Variants in NYAP2 observed in about 807,000 individuals in gnomAD.
NYAP2 encodes neuronal tyrosine-phosphorylated phosphoinositide-3-kinase adaptor 2, also known as neuronal tyrosine-phosphorylated phosphoinositide-3-kinase adapter 2.
Under a neutral mutation model 50.4 loss-of-function variants are expected in NYAP2, and 23 were observed. The ratio of observed to expected loss-of-function variants is 0.46; its 90% CI spans 0.33 to 0.65. The LOEUF (loss-of-function observed/expected upper bound fraction) is 0.65. Ranked by LOEUF, NYAP2 falls within the 30% of genes least tolerant of loss-of-function variation. NYAP2 has a pLI of 0.02. For missense variants in NYAP2, 885 were observed against 861.0 expected (o/e 1.03, Z -0.35); for synonymous variants, 394 against 365.2 (o/e 1.08, Z -0.90).
chr2:225,433,145 T>C (rs1559178205), intron 3 of NYAP2, among the ~76,000 whole-genome samples: 1 of 152,218 alleles, frequency 6.6e-6, no homozygotes, highest in Non-Finnish European at 1.5e-5. Flanking sequence ...TAAATACTTA[T>C]TGTAAGTATA....
At chr2:225,651,395 G>C in intron 6 of NYAP2, 37 bp from the exon 7 acceptor site, 1 of 1,613,342 alleles carries the variant, frequency 6.2e-7, no homozygotes, top group Non-Finnish European at 8.5e-7. Flanking sequence ...CCAGATGTCA[G>C]TCAGCTAATA....
intron 4 of NYAP2, among the ~76,000 whole-genome samples, chr2:225,546,667 T>C (rs775678219): frequency 6.6e-6 from 1 of 152,082 alleles, no homozygotes; most frequent in Non-Finnish European, 1.5e-5. Context: ...AGTGGTTCAC[T>C]TGGTACTCTG....
intron 4 of NYAP2, among the ~76,000 whole-genome samples, chr2:225,541,962 A>T (rs1691480350): frequency 2.0e-5 from 3 of 152,074 alleles, no homozygotes; most frequent in Non-Finnish European, 4.4e-5. Context: ...AATTACTTTC[A>T]TCAGTATTTT....
intron 3 of NYAP2, among the ~76,000 whole-genome samples, chr2:225,488,288 G>A (rs969334514): frequency 1.3e-5 from 2 of 152,086 alleles, no homozygotes; most frequent in African/African-American, 4.8e-5. Flanking sequence ...AAATAAAACA[G>A]ATTTTGTTTA....
chr2:225,655,986 A>G (rs1184714339), downstream of NYAP2, among the ~76,000 whole-genome samples: 1 of 151,672 alleles, frequency 6.6e-6, no homozygotes, highest in African/African-American at 2.4e-5. Flanking sequence ...TCACAAACAC[A>G]TATTTTTTTT....
intron 3 of NYAP2, among the ~76,000 whole-genome samples, chr2:225,457,769 A>G (rs1231268498): frequency 1.3e-5 from 2 of 152,328 alleles, no homozygotes; most frequent in African/African-American, 4.8e-5. Flanking sequence ...TCAAGACCAA[A>G]GGTCATGTGG....
intron 4 of NYAP2, among the ~76,000 whole-genome samples, chr2:225,573,078 G>A (rs1026572116): frequency 2.0e-5 from 3 of 151,844 alleles, no homozygotes; most frequent in African/African-American, 7.3e-5. Flanking sequence ...GATGCTTTCT[G>A]TATCCTCAGG....
chr2:225,671,788 T>C, the NYAP2 span, among the ~76,000 whole-genome samples: 1 of 152,192 alleles, frequency 6.6e-6, no homozygotes. Context: ...GATTCATGGA[T>C]TTAGAATGAA....
intron 4 of NYAP2, among the ~76,000 whole-genome samples, chr2:225,553,675 T>C (rs1027446644): frequency 1.3e-5 from 2 of 152,198 alleles, no homozygotes; most frequent in African/African-American, 4.8e-5. Context: ...GGTGCTGATA[T>C]CAAAAAGTAT....
intron 4 of NYAP2, among the ~76,000 whole-genome samples, chr2:225,521,855 G>A (rs1019894919): frequency 4.6e-5 from 7 of 152,138 alleles, no homozygotes; most frequent in African/African-American, 1.7e-4. Flanking sequence ...AATGGTACCA[G>A]TTCCTCCTTG....
At chr2:225,675,765 T>C in the NYAP2 span, among the ~76,000 whole-genome samples, 1 of 152,136 alleles carries the variant, frequency 6.6e-6, no homozygotes, top group African/African-American at 2.4e-5. Flanking sequence ...CCACCAACCA[T>C]GTATAAGCAT....
chr2:225,577,808 T>G, intron 4 of NYAP2, among the ~76,000 whole-genome samples: 1 of 692 alleles, frequency 1.4e-3, no homozygotes, highest in African/African-American at 0.013. Flanking sequence ...AAAAGCAGAT[T>G]TTTTTTTTTT....
intron 5 of NYAP2, among the ~76,000 whole-genome samples, chr2:225,615,528 A>G (rs1458902318): frequency 1.3e-5 from 2 of 152,176 alleles, no homozygotes; most frequent in Non-Finnish European, 2.9e-5. Flanking sequence ...ATTCCATGCT[A>G]TGAAAATTTG....
intron 3 of NYAP2, among the ~76,000 whole-genome samples, chr2:225,509,728 A>G (rs552248724): frequency 2.0e-5 from 3 of 152,168 alleles, no homozygotes; most frequent in Admixed American, 6.5e-5. Flanking sequence ...GTCCAGAGTT[A>G]TAGGGATCGG....
chr2:225,628,650 A>T (rs943676792), intron 6 of NYAP2, among the ~76,000 whole-genome samples: 1 of 152,086 alleles, frequency 6.6e-6, no homozygotes, highest in Non-Finnish European at 1.5e-5. Context: ...TGGGGAAAAA[A>T]GTCACTTCCC....
intron 3 of NYAP2, among the ~76,000 whole-genome samples, chr2:225,459,913 C>T (rs1042380362): frequency 4.6e-5 from 7 of 152,164 alleles, no homozygotes; most frequent in Non-Finnish European, 1.0e-4. Flanking sequence ...GACCTGTGAT[C>T]TGCCCACCTC....
At chr2:225,518,136 A>G (rs956528721) in intron 4 of NYAP2, among the ~76,000 whole-genome samples, 1 of 152,034 alleles carries the variant, frequency 6.6e-6, no homozygotes, top group African/African-American at 2.4e-5. Flanking sequence ...AAACACACAC[A>G]CACATACACA....
At chr2:225,696,602 G>A in the NYAP2 span, among the ~76,000 whole-genome samples, 1 of 151,972 alleles carries the variant, frequency 6.6e-6, no homozygotes, top group African/African-American at 2.4e-5. Context: ...ATTTGATTTA[G>A]CTTTGTTCAC....
chr2:225,572,630 T>A (rs1692093625), intron 4 of NYAP2, among the ~76,000 whole-genome samples: 5 of 152,344 alleles, frequency 3.3e-5, no homozygotes, highest in African/African-American at 1.2e-4. Flanking sequence ...GAGATTTGTG[T>A]GGGGACACAG....
Sources: gnomAD v4.1 joint callset for allele counts (sites outside exome capture counted in the v4.1 genomes callset) on GRCh38, gnomAD v4.1.1 for gene constraint, MANE v1.5 for transcripts, NCBI Gene and HGNC (gene_info 2026-07-23, HGNC 2026-07-21) for gene names.